Variants in SIPA1L1 observed in about 807,000 individuals in gnomAD.
SIPA1L1 encodes the protein signal-induced proliferation-associated 1-like protein 1.
A neutral mutation model predicts 162.7 loss-of-function variants in SIPA1L1; 26 were observed. The ratio of observed to expected loss-of-function variants is 0.16; its 90% confidence interval spans 0.12 to 0.22. SIPA1L1 has a LOEUF of 0.22. Among genes scored for constraint, SIPA1L1 ranks in the 10% least tolerant of loss-of-function variants. SIPA1L1 has a pLI of 1.00. For synonymous variants in SIPA1L1, 829 were observed against 837.4 expected (o/e 0.99, Z 0.17); for missense variants, 1,874 against 2,241.0 (o/e 0.84, Z 3.31).
intron 2 of SIPA1L1, among the ~76,000 whole-genome samples, chr14:71,334,305 A>G (rs1371443137): frequency 6.6e-6 from 1 of 152,206 alleles, no homozygotes; most frequent in South Asian, 2.1e-4. Context: ...TGGAAAGTAG[A>G]CTGGCTACCA....
chr14:71,617,374 T>A (rs117509501), intron 5 of SIPA1L1, among the ~76,000 whole-genome samples: 210 of 152,354 alleles, frequency 1.4e-3, no homozygotes, highest in Non-Finnish European at 2.5e-3. Context: ...TCTGAGTGTG[T>A]TTCTCATGTG....
At chr14:71,603,288 T>A (rs909534024) in intron 5 of SIPA1L1, among the ~76,000 whole-genome samples, 33 of 152,306 alleles carry the variant, frequency 2.2e-4, no homozygotes, top group African/African-American at 7.9e-4. Flanking sequence ...ATATATATTT[T>A]TTTTCAAATC....
chr14:71,375,985 T>C (rs567158700), intron 2 of SIPA1L1, among the ~76,000 whole-genome samples: 2 of 152,318 alleles, frequency 1.3e-5, no homozygotes, highest in African/African-American at 4.8e-5. Context: ...TTAAAGATTT[T>C]TGTGCCTCAA....
At chr14:71,468,675 A>G (rs1037988481) in intron 2 of SIPA1L1, among the ~76,000 whole-genome samples, 5 of 152,214 alleles carry the variant, frequency 3.3e-5, no homozygotes, top group Non-Finnish European at 7.3e-5. Context: ...GGACAGGGGC[A>G]CATATCCAAA....
intron 2 of SIPA1L1, among the ~76,000 whole-genome samples, chr14:71,507,554 A>C (rs1388882978): frequency 6.6e-6 from 1 of 152,154 alleles, no homozygotes; most frequent in Non-Finnish European, 1.5e-5. Flanking sequence ...GAGTGTCACA[A>C]CTGAATGAAT....
intron 2 of SIPA1L1, among the ~76,000 whole-genome samples, chr14:71,483,222 A>C (rs2048482838): frequency 6.6e-6 from 1 of 152,172 alleles, no homozygotes; most frequent in Non-Finnish European, 1.5e-5. Flanking sequence ...CCATGCAGAA[A>C]AATTATAGAT....
At chr14:71,436,236 T>C (rs976258762) in intron 2 of SIPA1L1, among the ~76,000 whole-genome samples, 4 of 152,198 alleles carry the variant, frequency 2.6e-5, no homozygotes, top group African/African-American at 7.2e-5. Flanking sequence ...AGTGGGTTTG[T>C]ATTTTGTCGT....
At chr14:71,552,401 T>C (rs2055927146) in intron 4 of SIPA1L1, among the ~76,000 whole-genome samples, 1 of 151,932 alleles carries the variant, frequency 6.6e-6, no homozygotes, top group African/African-American at 2.4e-5. Context: ...ATTTCTTTTT[T>C]TTTTTTTTGA....
In SIPA1L1 at chr14:71,323,717, T is replaced by C. The variant is rs991598742; in HGVS notation, c.-465+2536T>C. Among the ~76,000 whole-genome samples, 12 of 152,304 alleles carry C rather than the reference T, an allele frequency of 7.9e-5. No individual in the cohort carries two copies. The East Asian group carries it at 1.5e-3, about 20-fold the overall frequency. On this transcript the variant is annotated intron_variant, in intron 2 of 23. Transcript: ENST00000381232. ...TTTCTTTTTTTCCCCATAGCATCCC[T>C]ATATTCCTAACCTTTTGAGTGGTGA...
intron 2 of SIPA1L1, among the ~76,000 whole-genome samples, chr14:71,427,316 A>G (rs1312754126): frequency 6.6e-6 from 1 of 151,916 alleles, no homozygotes; most frequent in East Asian, 1.9e-4. Context: ...TCTGGTTGAT[A>G]GGTTTGTTTG....
intron 2 of SIPA1L1, among the ~76,000 whole-genome samples, chr14:71,438,549 A>T (rs1054688229): frequency 6.6e-6 from 1 of 152,204 alleles, no homozygotes; most frequent in Non-Finnish European, 1.5e-5. Flanking sequence ...CTTTCATTCC[A>T]GAGGATTCAA....
intron 2 of SIPA1L1, among the ~76,000 whole-genome samples, chr14:71,470,708 G>GCAGT (rs1485717847): frequency 6.6e-6 from 1 of 151,920 alleles, no homozygotes; most frequent in East Asian, 1.9e-4. Context: ...GAGTGTTGGG[G>GCAGT]CAGTAGTCTG....
At chr14:71,654,703 A>G (rs2042914345) in intron 8 of SIPA1L1, among the ~76,000 whole-genome samples, 1 of 152,224 alleles carries the variant, frequency 6.6e-6, no homozygotes, top group Non-Finnish European at 1.5e-5. Context: ...AAGGTGACCT[A>G]TATAATGCCT....
chr14:71,353,435 C>T (rs756823488), intron 2 of SIPA1L1, among the ~76,000 whole-genome samples: 4 of 152,110 alleles, frequency 2.6e-5, no homozygotes, highest in Admixed American at 6.5e-5. Flanking sequence ...AATGGAGGAG[C>T]GGAGATGAGC....
intron 4 of SIPA1L1, among the ~76,000 whole-genome samples, chr14:71,556,877 C>G (rs1237458512): frequency 1.3e-5 from 2 of 152,228 alleles, no homozygotes; most frequent in Admixed American, 6.5e-5. Flanking sequence ...CTTGGCCTTT[C>G]TGTGTAGCTT....
intron 10 of SIPA1L1, among the ~76,000 whole-genome samples, chr14:71,670,271 A>G (rs2044388436): frequency 6.6e-6 from 1 of 152,200 alleles, no homozygotes; most frequent in African/African-American, 2.4e-5. Context: ...GTTAAAAATA[A>G]TAAGTTATTA....
At chr14:71,598,649 G>T (rs931563697) in intron 5 of SIPA1L1, among the ~76,000 whole-genome samples, 6 of 152,244 alleles carry the variant, frequency 3.9e-5, no homozygotes, top group African/African-American at 1.4e-4. Flanking sequence ...TGCAACATGG[G>T]ATTCTGAATG....
chr14:71,515,974 A>G (rs1265228707), intron 3 of SIPA1L1, among the ~76,000 whole-genome samples: 3 of 152,212 alleles, frequency 2.0e-5, no homozygotes, highest in African/African-American at 7.2e-5. Context: ...AGAAAAGTAG[A>G]TAGTTATCTT....
chr14:71,323,219 G>A (rs1372079232), intron 2 of SIPA1L1, among the ~76,000 whole-genome samples: 1 of 152,240 alleles, frequency 6.6e-6, no homozygotes, highest in Non-Finnish European at 1.5e-5. Flanking sequence ...GATTGCTTGA[G>A]ATTAGCAGTT....
Sources: allele counts gnomAD v4.1 joint callset (sites outside exome capture counted in the v4.1 genomes callset), GRCh38; gene constraint gnomAD v4.1.1; transcripts MANE v1.5; gene names NCBI Gene and HGNC (gene_info 2026-07-23, HGNC 2026-07-21).